The following NDFIP2 variants were observed in gnomAD, a reference collection of about 807,000 sequenced individuals.
The protein encoded by NDFIP2 is NEDD4 family-interacting protein 2.
Under a neutral mutation model 36.0 loss-of-function variants are expected in NDFIP2, and 19 were observed. That is an observed-to-expected ratio of 0.53 (90% CI 0.37 to 0.77). The LOEUF (loss-of-function observed/expected upper bound fraction) is 0.77. Among genes scored for constraint, NDFIP2 ranks in the 30% least tolerant of loss-of-function variants. The pLI is 0.00. For missense variants in NDFIP2, 446 were observed against 435.8 expected, an observed-to-expected ratio of 1.02 and a Z score of -0.21; for synonymous variants, 181 against 167.7, an observed-to-expected ratio of 1.08 and a Z score of -0.61.
At chr13:79,522,810 G>A (rs73551601) in intron 2 of NDFIP2, among the ~76,000 whole-genome samples, 10,150 of 152,214 alleles carry the variant, frequency 0.067, 709 homozygotes, top group African/African-American at 0.17. Context: ...TCTATCACCT[G>A]TTATGATACT....
intron 1 of NDFIP2, among the ~76,000 whole-genome samples, chr13:79,515,758 A>G (rs773398039): frequency 2.6e-5 from 4 of 152,270 alleles, no homozygotes; most frequent in Middle Eastern, 3.4e-3. Context: ...ATCACCTGCT[A>G]TTAATTCCTA....
At chr13:79,510,763 CTG>C (rs1229428479) in intron 1 of NDFIP2, among the ~76,000 whole-genome samples, 1 of 152,020 alleles carries the variant, frequency 6.6e-6, no homozygotes, top group Non-Finnish European at 1.5e-5. Flanking sequence ...CTTTCGGAGT[CTG>C]AGGCAGGCGG....
intron 2 of NDFIP2, among the ~76,000 whole-genome samples, chr13:79,532,057 A>T (rs1055575031): frequency 2.0e-5 from 3 of 152,226 alleles, no homozygotes; most frequent in African/African-American, 7.2e-5. Context: ...CCTGTGTTCT[A>T]TGGGCACAGT....
intron 1 of NDFIP2, among the ~76,000 whole-genome samples, chr13:79,495,948 C>T (rs1447121515): frequency 6.6e-6 from 1 of 151,806 alleles, no homozygotes; most frequent in East Asian, 1.9e-4. Context: ...TGTAGAACTT[C>T]CTAACCACAA....
intron 2 of NDFIP2, 30 bp downstream of exon 2, chr13:79,521,005 G>A: frequency 6.8e-7 from 1 of 1,478,474 alleles, no homozygotes; most frequent in Non-Finnish European, 9.0e-7. Context: ...GTTTTTATTA[G>A]TTCTTTTTTT....
At chr13:79,486,458 A>G (rs764287400) in intron 1 of NDFIP2, among the ~76,000 whole-genome samples, 1 of 152,256 alleles carries the variant, frequency 6.6e-6, no homozygotes, top group East Asian at 1.9e-4. Context: ...TGCAGGGATC[A>G]GTGTACTTGC....
At chr13:79,542,909 C>A (rs1875515964) in intron 4 of NDFIP2, among the ~76,000 whole-genome samples, 1 of 150,216 alleles carries the variant, frequency 6.7e-6, no homozygotes, top group Non-Finnish European at 1.5e-5. Context: ...CGGAGTCTTG[C>A]TCTGTTGCCC....
Position 79,553,213 on chromosome 13 carries a change from C to T in NDFIP2, c.*700C>T, listed in dbSNP as rs1460241025. The T allele has an allele frequency of 2.0e-5, 3 of 151,094 alleles. No individual in the cohort carries two copies. The highest frequency in any genetic ancestry group is 7.3e-5 in the African/African-American group (3 of 41,294). The allele number at this position is 151,094 out of a possible 1,614,324, so 9.4% of individuals were successfully genotyped here. On this transcript the variant is annotated 3_prime_UTR_variant, in exon 8 of 8. Coordinates refer to ENST00000218652, the MANE Select transcript of NDFIP2 (RefSeq NM_019080.3). ...ATATGTATACACATATATATACACA[C>T]ACACATATATATATTTAGAAACGTG...
At chr13:79,545,082 A>T (rs1566668408) in intron 5 of NDFIP2, among the ~76,000 whole-genome samples, 1 of 152,168 alleles carries the variant, frequency 6.6e-6, no homozygotes, top group Non-Finnish European at 1.5e-5. Flanking sequence ...TTATTAAAAA[A>T]ACCTCAAAGT....
intron 5 of NDFIP2, among the ~76,000 whole-genome samples, chr13:79,545,913 T>A (rs1875654160): frequency 6.6e-6 from 1 of 152,168 alleles, no homozygotes. Flanking sequence ...TTTTTTGTAT[T>A]TTTGTAGAGA....
At chr13:79,536,607 C>T (rs932693581) in intron 3 of NDFIP2, among the ~76,000 whole-genome samples, 1 of 152,084 alleles carries the variant, frequency 6.6e-6, no homozygotes, top group African/African-American at 2.4e-5. Context: ...ATAAATATTT[C>T]CCTGTTACTT....
rs1292734512 is a variant in NDFIP2 at position 79,533,306 on chromosome 13, T to C, written c.488-17T>C. The C allele has an allele frequency of 1.3e-6, 2 of 1,587,840 alleles. No homozygotes were observed. Among genetic ancestry groups the C allele is most frequent in the African/African-American group, 2.7e-5 (2 of 73,340 alleles). Reference sequence around the variant, plus strand: ...AAATAGATTTTATTGGTTATTCTTTTTGAATTCTTTCTTCAGATACAGAAG... The same window carrying C: ...AAATAGATTTTATTGGTTATTCTTTCTGAATTCTTTCTTCAGATACAGAAG... On this transcript the variant is annotated splice_polypyrimidine_tract_variant and intron_variant, in intron 2 of 7. Coordinates refer to ENST00000218652, the MANE Select transcript of NDFIP2 (RefSeq NM_019080.3).
intron 3 of NDFIP2, among the ~76,000 whole-genome samples, chr13:79,537,917 T>G (rs1875304514): frequency 1.3e-5 from 2 of 152,194 alleles, no homozygotes; most frequent in Non-Finnish European, 2.9e-5. Context: ...GAGGTTTAAT[T>G]GACTTACAGT....
intron 1 of NDFIP2, among the ~76,000 whole-genome samples, chr13:79,502,681 T>G (rs189855710): frequency 2.0e-5 from 3 of 152,226 alleles, no homozygotes; most frequent in Non-Finnish European, 4.4e-5. Context: ...GCTTTTGGAT[T>G]TAATAATTAG....
chr13:79,517,293 A>G (rs1206536003), intron 1 of NDFIP2, among the ~76,000 whole-genome samples: 1 of 152,134 alleles, frequency 6.6e-6, no homozygotes, highest in Admixed American at 6.5e-5. Flanking sequence ...CTTAGGCATC[A>G]CTGTATACAA....
chr13:79,530,066 CTGG>C (rs1332144515), intron 2 of NDFIP2, among the ~76,000 whole-genome samples: 2 of 152,096 alleles, frequency 1.3e-5, no homozygotes, highest in Non-Finnish European at 2.9e-5. Flanking sequence ...AATCTTTTTC[CTGG>C]TGGAAGATCT....
intron 1 of NDFIP2, among the ~76,000 whole-genome samples, chr13:79,510,042 A>C (rs9318644): frequency 0.69 from 105,138 of 152,098 alleles, 37,790 homozygotes; most frequent in African/African-American, 0.89. Context: ...TACTTTGCAT[A>C]CTTCAACCAA....
At chr13:79,482,589 T>C (rs537538535) in intron 1 of NDFIP2, among the ~76,000 whole-genome samples, 2 of 150,986 alleles carry the variant, frequency 1.3e-5, no homozygotes, top group African/African-American at 2.5e-5. Context: ...GGTATGTTAG[T>C]CCCAGGTTTC....
intron 3 of NDFIP2, among the ~76,000 whole-genome samples, chr13:79,535,331 A>G (rs1464438084): frequency 6.6e-6 from 1 of 152,202 alleles, no homozygotes; most frequent in Non-Finnish European, 1.5e-5. Context: ...AAGACAAGGT[A>G]GGAAGCATTA....
Sources: gnomAD v4.1 joint callset for allele counts (sites outside exome capture counted in the v4.1 genomes callset) on GRCh38, gnomAD v4.1.1 for gene constraint, MANE v1.5 for transcripts, NCBI Gene and HGNC (gene_info 2026-07-23, HGNC 2026-07-21) for gene names.